Variants in ZNRF1 observed in about 807,000 individuals in gnomAD.
ZNRF1 encodes the protein zinc and ring finger 1, also known as E3 ubiquitin-protein ligase ZNRF1.
In ZNRF1, 3 loss-of-function variants were observed where a neutral mutation model predicts 18.4. The ratio of observed to expected loss-of-function variants is 0.16; its 90% confidence interval spans 0.07 to 0.42. ZNRF1 has a LOEUF of 0.42. Ranked by LOEUF, ZNRF1 falls within the 10% of genes least tolerant of loss-of-function variation. The pLI is 0.99. For synonymous variants in ZNRF1, 157 were observed against 144.2 expected, an observed-to-expected ratio of 1.09 and a Z score of -0.64; for missense variants, 310 against 329.8, an observed-to-expected ratio of 0.94 and a Z score of 0.47.
chr16:75,049,870 T>TGTGTGG (rs1352320124), intron 1 of ZNRF1, among the ~76,000 whole-genome samples: 2 of 150,662 alleles, frequency 1.3e-5, no homozygotes, highest in Admixed American at 1.3e-4. Context: ...TGTGTGTGTG[T>TGTGTGG]GGTTTAGTGC....
intron 1 of ZNRF1, among the ~76,000 whole-genome samples, chr16:75,058,905 C>G (rs2035702157): frequency 6.6e-6 from 1 of 152,180 alleles, no homozygotes; most frequent in Admixed American, 6.5e-5. Context: ...TTTCCTTGGA[C>G]TGTTGATGAG....
At chr16:75,033,012 A>G (rs1449039189) in intron 1 of ZNRF1, among the ~76,000 whole-genome samples, 1 of 152,180 alleles carries the variant, frequency 6.6e-6, no homozygotes, top group East Asian at 1.9e-4. Flanking sequence ...ACTCCACTGG[A>G]TTACCATGGA....
At chr16:75,038,793 A>G (rs1039379783) in intron 1 of ZNRF1, among the ~76,000 whole-genome samples, 2 of 152,208 alleles carry the variant, frequency 1.3e-5, no homozygotes, top group African/African-American at 4.8e-5. Context: ...AGTGTGCAAG[A>G]TGATGAGTCC....
chr16:75,088,715 C>A (rs2145417557), intron 1 of ZNRF1, among the ~76,000 whole-genome samples: 1 of 152,304 alleles, frequency 6.6e-6, no homozygotes, highest in African/African-American at 2.4e-5. Flanking sequence ...TCTTCTGAGC[C>A]TTGATGTCCT....
intron 2 of ZNRF1, among the ~76,000 whole-genome samples, chr16:75,102,574 C>T (rs930175145): frequency 1.3e-5 from 2 of 152,210 alleles, no homozygotes; most frequent in African/African-American, 2.4e-5. Flanking sequence ...CTTTTGTTCA[C>T]GTCGCCTCTT....
intron 2 of ZNRF1, among the ~76,000 whole-genome samples, chr16:75,096,385 C>G (rs1003707816): frequency 6.6e-6 from 1 of 152,118 alleles, no homozygotes; most frequent in Admixed American, 6.5e-5. Flanking sequence ...CAGGCACGCC[C>G]AGGGCCTGCT....
chr16:75,018,874 A>G (rs2035106110), intron 1 of ZNRF1, among the ~76,000 whole-genome samples: 1 of 152,076 alleles, frequency 6.6e-6, no homozygotes, highest in African/African-American at 2.4e-5. Flanking sequence ...TCTCTTACTA[A>G]GATTAATAAG....
chr16:75,010,601 C>G (rs1358163369), intron 1 of ZNRF1, among the ~76,000 whole-genome samples: 1 of 151,872 alleles, frequency 6.6e-6, no homozygotes, highest in African/African-American at 2.4e-5. Flanking sequence ...CATAGGAGTG[C>G]TCCAACTTTC....
In ZNRF1 at chr16:74,999,242, C is replaced by T. The variant is rs2034800300; in HGVS notation, c.-430C>T. 2 of 146,638 alleles carry T rather than the reference C, an allele frequency of 1.4e-5. No individual in the cohort carries two copies. The highest frequency in any genetic ancestry group is 4.2e-4 in the South Asian group (2 of 4,812). The allele number at this position is 146,638 out of a possible 1,614,324, so 9.1% of individuals were successfully genotyped here. A position where few individuals can be genotyped will look rare whatever the true frequency, so the allele number is the denominator to read the frequency against. On this transcript the variant is annotated 5_prime_UTR_variant, in exon 1 of 5. Coordinates refer to ENST00000335325, the MANE Select transcript of ZNRF1 (RefSeq NM_032268.5). ...CGGCGTCCTGAGGCGGGGGACGCGC[C>T]CGGCGCCCCCGGCCCTCCTCCGCCT...
chr16:75,045,799 T>C (rs973286490), intron 1 of ZNRF1, among the ~76,000 whole-genome samples: 1 of 151,022 alleles, frequency 6.6e-6, no homozygotes, highest in Non-Finnish European at 1.5e-5. Context: ...CACTGCAGTC[T>C]CGAATTCCTG....
intron 1 of ZNRF1, among the ~76,000 whole-genome samples, chr16:75,091,655 C>G (rs1431362615): frequency 6.6e-6 from 1 of 151,620 alleles, no homozygotes; most frequent in African/African-American, 2.4e-5. Flanking sequence ...ACCTCAGCCT[C>G]TCAAGTAGCT....
chr16:75,062,531 G>A (rs1002647821), intron 1 of ZNRF1, among the ~76,000 whole-genome samples: 1 of 152,136 alleles, frequency 6.6e-6, no homozygotes, highest in East Asian at 1.9e-4. Flanking sequence ...GCATGCCCCC[G>A]AGCTCCCTTT....
intron 2 of ZNRF1, among the ~76,000 whole-genome samples, chr16:75,098,293 T>C (rs919776407): frequency 6.6e-6 from 1 of 152,192 alleles, no homozygotes; most frequent in East Asian, 1.9e-4. Flanking sequence ...AACAGGTGGC[T>C]ACAGGAAAGA....
At chr16:75,037,708 C>T (rs1049825304) in intron 1 of ZNRF1, among the ~76,000 whole-genome samples, 8 of 152,088 alleles carry the variant, frequency 5.3e-5, no homozygotes, top group Admixed American at 4.6e-4. Context: ...TCTTCCATCT[C>T]CTTTAACATT....
At chr16:75,067,692 A>G (rs532195722) in intron 1 of ZNRF1, among the ~76,000 whole-genome samples, 321 of 152,358 alleles carry the variant, frequency 2.1e-3, no homozygotes, top group South Asian at 5.8e-3. Flanking sequence ...AAGGGGCACC[A>G]TGAATCAATG....
intron 2 of ZNRF1, chr16:75,095,842 C>A: frequency 1.6e-6 from 2 of 1,270,658 alleles, no homozygotes; most frequent in Non-Finnish European, 2.1e-6. Context: ...GAGTGCCTGG[C>A]GCTGTTGGTT....
chr16:75,083,157 T>A (rs2036035092), intron 1 of ZNRF1, among the ~76,000 whole-genome samples: 1 of 152,226 alleles, frequency 6.6e-6, no homozygotes, highest in Non-Finnish European at 1.5e-5. Context: ...TTTTTCACTT[T>A]TTTTGCCTGA....
At chr16:75,027,101 T>C (rs1267272164) in intron 1 of ZNRF1, among the ~76,000 whole-genome samples, 1 of 151,902 alleles carries the variant, frequency 6.6e-6, no homozygotes, top group African/African-American at 2.4e-5. Flanking sequence ...CAGTGTTACA[T>C]AGCTAGAAAG....
At chr16:75,027,705 A>T (rs1265135824) in intron 1 of ZNRF1, among the ~76,000 whole-genome samples, 2 of 152,130 alleles carry the variant, frequency 1.3e-5, no homozygotes, top group Non-Finnish European at 2.9e-5. Flanking sequence ...GCTTGGCTAA[A>T]TCACAACTCT....
Sources: allele counts gnomAD v4.1 joint callset (sites outside exome capture counted in the v4.1 genomes callset), GRCh38; gene constraint gnomAD v4.1.1; transcripts MANE v1.5; gene names NCBI Gene and HGNC (gene_info 2026-07-23, HGNC 2026-07-21).